Variants in NAV3 observed in about 807,000 individuals in gnomAD.
The protein encoded by NAV3 is neuron navigator 3.
In NAV3, 87 loss-of-function variants were observed where a neutral mutation model predicts 244.7. The observed-to-expected ratio is 0.36, with a 90% CI of 0.30 to 0.42. The LOEUF (loss-of-function observed/expected upper bound fraction) is 0.42. Ranked by LOEUF, NAV3 falls within the 20% of genes least tolerant of loss-of-function variation. The pLI, the probability that NAV3 is intolerant of heterozygous loss-of-function variation, is 1.00. For synonymous variants in NAV3, 1,126 were observed against 1,042.2 expected, an observed-to-expected ratio of 1.08 and a Z score of -1.55; for missense variants, 2,663 against 2,893.3, an observed-to-expected ratio of 0.92 and a Z score of 1.83.
At chr12:77,726,885 G>A (rs1263107705) in intron 2 of NAV3, among the ~76,000 whole-genome samples, 2 of 151,900 alleles carry the variant, frequency 1.3e-5, no homozygotes, top group African/African-American at 4.8e-5. Context: ...AGACGGAGAG[G>A]TGAGAAAAGC....
At chr12:77,900,502 A>G (rs1296065712) in intron 1 of NAV3, among the ~76,000 whole-genome samples, 1 of 152,132 alleles carries the variant, frequency 6.6e-6, no homozygotes, top group East Asian at 1.9e-4. Context: ...CCATGTTACA[A>G]CTAAGTAGAT....
intron 39 of NAV3, among the ~76,000 whole-genome samples, chr12:78,209,671 A>G (rs1392579165): frequency 6.6e-6 from 1 of 152,136 alleles, no homozygotes; most frequent in Non-Finnish European, 1.5e-5. Flanking sequence ...AGGTGCTTTC[A>G]TGCATATGTC....
intron 2 of NAV3, among the ~76,000 whole-genome samples, chr12:77,743,092 G>A (rs889412065): frequency 6.6e-6 from 1 of 151,932 alleles, no homozygotes; most frequent in African/African-American, 2.4e-5. Flanking sequence ...CATTTCAGAC[G>A]GATGATTCAT....
chr12:77,946,136 C>T (rs1326501090), intron 3 of NAV3, among the ~76,000 whole-genome samples: 1 of 147,258 alleles, frequency 6.8e-6, no homozygotes, highest in East Asian at 2.0e-4. Context: ...TAAATATACA[C>T]ATATATGTAC....
chr12:78,176,699 T>C (rs892213961), intron 26 of NAV3, among the ~76,000 whole-genome samples: 3 of 152,126 alleles, frequency 2.0e-5, no homozygotes, highest in Admixed American at 6.6e-5. Context: ...AAAATTTGAA[T>C]AGAAAAATCA....
At chr12:77,985,575 T>G (rs1479079226) in intron 5 of NAV3, among the ~76,000 whole-genome samples, 1 of 152,146 alleles carries the variant, frequency 6.6e-6, no homozygotes, top group African/African-American at 2.4e-5. Flanking sequence ...CTCTACTTTT[T>G]TTTTTTGTAT....
chr12:78,202,517 T>G (rs901979146), intron 38 of NAV3, among the ~76,000 whole-genome samples: 9 of 152,080 alleles, frequency 5.9e-5, no homozygotes, highest in Non-Finnish European at 1.3e-4. Flanking sequence ...GAACATTATT[T>G]GGAGAATTAT....
intron 13 of NAV3, 61 bp from the exon 14 acceptor site, chr12:78,117,966 C>A: frequency 1.4e-6 from 2 of 1,436,128 alleles, no homozygotes; most frequent in South Asian, 1.6e-5. Flanking sequence ...ATTTCATTGC[C>A]TTAATTCATA....
intron 12 of NAV3, among the ~76,000 whole-genome samples, chr12:78,111,220 A>G (rs985977215): frequency 2.6e-5 from 4 of 152,150 alleles, no homozygotes; most frequent in African/African-American, 9.6e-5. Flanking sequence ...TATGCACTAT[A>G]TACGTGTAAA....
intron 2 of NAV3, among the ~76,000 whole-genome samples, chr12:77,723,440 G>A (rs1386933963): frequency 6.6e-6 from 1 of 151,940 alleles, no homozygotes; most frequent in African/African-American, 2.4e-5. Context: ...AGACTACATG[G>A]AGCCACTGAG....
Position 77,989,130 on chromosome 12 carries a change from A to G in NAV3, c.672-5673A>G, listed in dbSNP as rs145646645. ...CCCTCTATTACTAGTGATTTTTAAG[A>G]TTACAGTAATAGCTTATTTTTTAGA... On this transcript the variant is annotated intron_variant, in intron 5 of 39. Transcript: ENST00000397909. Among the ~76,000 whole-genome samples, 5 of 152,262 alleles carry G rather than the reference A, an allele frequency of 3.3e-5. No individual in the cohort carries two copies. In the East Asian group the frequency reaches 7.7e-4, roughly 24 times the overall value.
intron 2 of NAV3, among the ~76,000 whole-genome samples, chr12:77,766,142 C>T (rs1869740033): frequency 1.3e-5 from 2 of 152,044 alleles, no homozygotes; most frequent in African/African-American, 2.4e-5. Context: ...TCTATTTTTT[C>T]CCCTCCCAGC....
intron 7 of NAV3, among the ~76,000 whole-genome samples, chr12:78,002,648 C>T (rs1873501684): frequency 6.6e-6 from 1 of 151,888 alleles, no homozygotes; most frequent in Non-Finnish European, 1.5e-5. Context: ...GAACTGTTTT[C>T]TTTTCAAGCC....
intron 2 of NAV3, among the ~76,000 whole-genome samples, chr12:77,709,085 A>G (rs1322204294): frequency 6.6e-6 from 1 of 151,992 alleles, no homozygotes; most frequent in African/African-American, 2.4e-5. Flanking sequence ...TGGCCAGAAC[A>G]TCAAAAAACT....
At chr12:78,087,951 G>A (rs1433363317) in intron 12 of NAV3, among the ~76,000 whole-genome samples, 1 of 151,514 alleles carries the variant, frequency 6.6e-6, no homozygotes, top group Non-Finnish European at 1.5e-5. Flanking sequence ...ATCACAGAAA[G>A]CTTTTGCTAA....
chr12:77,605,047 G>A (rs1870609036), intron 2 of NAV3, among the ~76,000 whole-genome samples: 2 of 152,042 alleles, frequency 1.3e-5, no homozygotes, highest in Admixed American at 6.6e-5. Context: ...ATACCAAGGG[G>A]ACAGGAGAAA....
intron 8 of NAV3, among the ~76,000 whole-genome samples, chr12:78,014,420 C>T (rs960632700): frequency 6.6e-6 from 1 of 151,958 alleles, no homozygotes; most frequent in Non-Finnish European, 1.5e-5. Flanking sequence ...TTCTTAAGCC[C>T]ATTAATTAAA....
At chr12:78,020,034 A>C (rs1309806690) in intron 8 of NAV3, among the ~76,000 whole-genome samples, 1 of 152,192 alleles carries the variant, frequency 6.6e-6, no homozygotes, top group Non-Finnish European at 1.5e-5. Flanking sequence ...AATACAATGA[A>C]TATGATTGAG....
chr12:77,589,377 T>C (rs551215435), intron 2 of NAV3, among the ~76,000 whole-genome samples: 4 of 152,112 alleles, frequency 2.6e-5, no homozygotes, highest in African/African-American at 9.6e-5. Context: ...CCCCCCTCTG[T>C]GGTACCAATT....
Sources: gnomAD v4.1 joint callset for allele counts (sites outside exome capture counted in the v4.1 genomes callset) on GRCh38, gnomAD v4.1.1 for gene constraint, MANE v1.5 for transcripts, NCBI Gene and HGNC (gene_info 2026-07-23, HGNC 2026-07-21) for gene names.